Variants in CNTN6 observed in about 807,000 individuals in gnomAD.
The protein encoded by CNTN6 is contactin-6.
A neutral mutation model predicts 122.8 loss-of-function variants in CNTN6; 137 were observed. That is an observed-to-expected ratio of 1.12 (90% confidence interval 0.97 to 1.29). The LOEUF (loss-of-function observed/expected upper bound fraction) is 1.29. CNTN6 is among the 50% of genes most tolerant of loss of function. The probability of loss-of-function intolerance (pLI) is 0.00; values close to 1 mark genes in which losing one functional copy is unlikely to be tolerated. For synonymous variants in CNTN6, 570 were observed against 426.0 expected (o/e 1.34, Z -4.16); for missense variants, 1,634 against 1,223.4 (o/e 1.34, Z -5.01).
At chr3:1,402,276 A>G in intron 21 of CNTN6, 42 bp from the exon 22 acceptor site, 1 of 1,547,444 alleles carries the variant, frequency 6.5e-7, no homozygotes, top group South Asian at 1.2e-5. Flanking sequence ...AACCTTAGAA[A>G]AGCAACATGT....
chr3:1,179,721 T>C (rs929052510), intron 2 of CNTN6, among the ~76,000 whole-genome samples: 1 of 152,134 alleles, frequency 6.6e-6, no homozygotes, highest in South Asian at 2.1e-4. Flanking sequence ...CTCCTCCCCA[T>C]GTTTTGTACA....
chr3:1,388,178 GA>G (rs1693417195), intron 20 of CNTN6, among the ~76,000 whole-genome samples: 1 of 151,300 alleles, frequency 6.6e-6, no homozygotes, highest in South Asian at 2.1e-4. Flanking sequence ...CAGCTTTGAA[GA>G]GAGCACTGGT....
intron 2 of CNTN6, among the ~76,000 whole-genome samples, chr3:1,201,093 A>C (rs1229046019): frequency 7.5e-6 from 1 of 134,184 alleles, no homozygotes; most frequent in East Asian, 2.6e-4. Flanking sequence ...GTGCCCAGCT[A>C]ACATTTTGTG....
intron 4 of CNTN6, among the ~76,000 whole-genome samples, chr3:1,268,606 CAAA>C (rs71690299): frequency 7.0e-4 from 70 of 99,480 alleles, no homozygotes; most frequent in Middle Eastern, 6.0e-3. Flanking sequence ...GACTCCGTCT[CAAA>C]AAAAAAAAAA....
At chr3:1,179,455 A>C (rs369322349) in intron 2 of CNTN6, among the ~76,000 whole-genome samples, 14 of 152,136 alleles carry the variant, frequency 9.2e-5, no homozygotes, top group African/African-American at 3.4e-4. Flanking sequence ...TGTTCTAATT[A>C]AGCCTTGGTT....
intron 12 of CNTN6, among the ~76,000 whole-genome samples, chr3:1,354,254 T>C (rs200162311): frequency 1.7e-4 from 10 of 59,206 alleles, no homozygotes; most frequent in Admixed American, 8.7e-4. Flanking sequence ...CTAGTACTTA[T>C]GATAGAAATA....
intron 1 of CNTN6, among the ~76,000 whole-genome samples, chr3:1,094,859 CTTAT>C (rs991057009): frequency 2.0e-5 from 3 of 151,682 alleles, no homozygotes; most frequent in Non-Finnish European, 4.4e-5. Context: ...AAAATATTTG[CTTAT>C]TTATTCACTG....
chr3:1,124,491 A>G (rs2092084310), intron 1 of CNTN6, among the ~76,000 whole-genome samples: 1 of 151,786 alleles, frequency 6.6e-6, no homozygotes, highest in Non-Finnish European at 1.5e-5. Context: ...TAATCCGAAC[A>G]TCCTGTCCCA....
intron 4 of CNTN6, among the ~76,000 whole-genome samples, chr3:1,254,524 A>G (rs3872625): frequency 0.29 from 43,477 of 151,818 alleles, 6,551 homozygotes; most frequent in South Asian, 0.42. Flanking sequence ...AATTTCACTT[A>G]TTTTTATTGA....
At chr3:1,386,287 G>A (rs547314619) in intron 20 of CNTN6, among the ~76,000 whole-genome samples, 6 of 152,140 alleles carry the variant, frequency 3.9e-5, no homozygotes, top group South Asian at 2.1e-4. Flanking sequence ...ATTTGAGTCC[G>A]AGTATATTCA....
chr3:1,201,922 G>A (rs1246027006), intron 2 of CNTN6, among the ~76,000 whole-genome samples: 1 of 152,114 alleles, frequency 6.6e-6, no homozygotes, highest in African/African-American at 2.4e-5. Context: ...GGAATTACAG[G>A]TGCAAATATC....
chr3:1,098,783 CACACACATAT>C (rs1559305589), intron 1 of CNTN6, among the ~76,000 whole-genome samples: 2 of 54,126 alleles, frequency 3.7e-5, no homozygotes, highest in African/African-American at 5.5e-4. Flanking sequence ...CACACACACA[CACACACATAT>C]ATATATATAT....
chr3:1,344,005 T>G (rs975494987), intron 11 of CNTN6, among the ~76,000 whole-genome samples: 2 of 152,140 alleles, frequency 1.3e-5, no homozygotes, highest in African/African-American at 4.8e-5. Flanking sequence ...GTAAAATGAT[T>G]TAGATAATGA....
chr3:1,375,015 G>C (rs1414453422), intron 16 of CNTN6, among the ~76,000 whole-genome samples: 1 of 152,054 alleles, frequency 6.6e-6, no homozygotes, highest in Non-Finnish European at 1.5e-5. Flanking sequence ...GTTTGTGACA[G>C]AGCTAGGTTT....
intron 19 of CNTN6, among the ~76,000 whole-genome samples, chr3:1,383,729 C>CT (rs1376422814): frequency 6.6e-6 from 1 of 152,226 alleles, no homozygotes; most frequent in Non-Finnish European, 1.5e-5. Context: ...CAGAGCAGGG[C>CT]TACCCCATAG....
chr3:1,338,947 T>A (rs1703490014), intron 11 of CNTN6, among the ~76,000 whole-genome samples: 1 of 151,892 alleles, frequency 6.6e-6, no homozygotes, highest in Non-Finnish European at 1.5e-5. Context: ...AAATAAATAA[T>A]TAGAAAAAGC....
intron 20 of CNTN6, among the ~76,000 whole-genome samples, chr3:1,401,108 A>G (rs1695637517): frequency 7.0e-6 from 1 of 143,020 alleles, no homozygotes; most frequent in Non-Finnish European, 1.6e-5. Context: ...TGATGGCCAA[A>G]TGGAATCCTA....
intron 6 of CNTN6, among the ~76,000 whole-genome samples, chr3:1,296,827 T>C (rs1374143976): frequency 6.6e-6 from 1 of 152,156 alleles, no homozygotes; most frequent in African/African-American, 2.4e-5. Context: ...GCCAACAATA[T>C]ACTTGGAGAT....
chr3:1,200,166 T>G (rs1014659125), intron 2 of CNTN6, among the ~76,000 whole-genome samples: 1 of 152,132 alleles, frequency 6.6e-6, no homozygotes, highest in African/African-American at 2.4e-5. Context: ...CATGAGTAGG[T>G]GGGATTACAA....
Sources: allele counts gnomAD v4.1 joint callset (sites outside exome capture counted in the v4.1 genomes callset), GRCh38; gene constraint gnomAD v4.1.1; transcripts MANE v1.5; gene names NCBI Gene and HGNC (gene_info 2026-07-23, HGNC 2026-07-21).